SYN2: variants seen among roughly 807,000 people sequenced by gnomAD.
SYN2 encodes synapsin II.
In SYN2, 19 loss-of-function variants were observed where a neutral mutation model predicts 50.9. The observed-to-expected ratio is 0.37, with a 90% confidence interval of 0.26 to 0.55. SYN2 has a LOEUF of 0.55. Among genes scored for constraint, SYN2 ranks in the 20% least tolerant of loss-of-function variants. The pLI is 0.81. For missense variants in SYN2, 587 were observed against 576.4 expected (o/e 1.02, Z -0.19); for synonymous variants, 255 against 224.9 (o/e 1.13, Z -1.20).
intron 1 of SYN2, among the ~76,000 whole-genome samples, chr3:12,110,856 A>G (rs912050924): frequency 3.3e-5 from 5 of 152,094 alleles, no homozygotes; most frequent in Non-Finnish European, 7.4e-5. Flanking sequence ...CTGTACCCCC[A>G]TTGTATCTGG....
chr3:12,140,693 T>C lies in SYN2; in HGVS notation c.420T>C (p.Asp140=), dbSNP rs549673361. The change falls in exon 2 of 13, where the codon GAT becomes GAC. Residue 140 remains aspartate (D), a synonymous_variant. Coordinates refer to ENST00000621198, the MANE Select transcript of SYN2 (RefSeq NM_133625.6). ...GCAAAAAAGTCCTTGGAGATTATGATATCAAGGTGGAACAGGTAATCAGCC... is the reference window on the plus strand; with the variant it reads ...GCAAAAAAGTCCTTGGAGATTATGACATCAAGGTGGAACAGGTAATCAGCC... ...FRGKKVLGDY[D]IKVEQAEFSE... 6.6e-6 allele frequency: 5 copies of C among 763,176 alleles called. No individual in the cohort carries two copies. The African/African-American group carries it at 6.8e-5, about 10-fold the overall frequency. 47.3% of individuals were successfully genotyped at this position (763,176 alleles called of 1,614,324 possible). A position where few individuals can be genotyped will look rare whatever the true frequency, so the allele number is the denominator to read the frequency against.
intron 1 of SYN2, among the ~76,000 whole-genome samples, chr3:12,118,605 G>T (rs535487612): frequency 2.8e-4 from 42 of 152,200 alleles, no homozygotes; most frequent in African/African-American, 8.7e-4. Flanking sequence ...TCTGCCCCAG[G>T]ACTGTTAAGT....
At chr3:12,177,813 G>A (rs1698117492) in intron 10 of SYN2, among the ~76,000 whole-genome samples, 1 of 152,200 alleles carries the variant, frequency 6.6e-6, no homozygotes, top group Admixed American at 6.5e-5. Flanking sequence ...GACCTTGAGT[G>A]ACCTGCCCCT....
At chr3:12,183,849 C>G in intron 11 of SYN2, 1 of 1,028,568 alleles carries the variant, frequency 9.7e-7, no homozygotes, top group Non-Finnish European at 1.2e-6. Context: ...CTCCTCTCCT[C>G]CCCCCAAGCT....
At chr3:12,117,171 C>A (rs1275753101) in intron 1 of SYN2, among the ~76,000 whole-genome samples, 1 of 152,204 alleles carries the variant, frequency 6.6e-6, no homozygotes, top group Non-Finnish European at 1.5e-5. Context: ...CAGTTGGTTA[C>A]AACCCCATGT....
chr3:12,091,038 C>A (rs1367997590), intron 1 of SYN2, among the ~76,000 whole-genome samples: 1 of 152,160 alleles, frequency 6.6e-6, no homozygotes, highest in African/African-American at 2.4e-5. Flanking sequence ...AAACTTCCTT[C>A]TTCTATCTCT....
chr3:12,115,306 G>T (rs1268896487), intron 1 of SYN2, among the ~76,000 whole-genome samples: 2 of 152,114 alleles, frequency 1.3e-5, no homozygotes, highest in African/African-American at 4.8e-5. Context: ...AGAAAGCAAG[G>T]ATATATTTCA....
chr3:12,019,400 T>C (rs1694084856), intron 1 of SYN2, among the ~76,000 whole-genome samples: 1 of 152,162 alleles, frequency 6.6e-6, no homozygotes. Context: ...TGCATTTTCA[T>C]AGAAGGAGCT....
chr3:12,099,327 A>G (rs1285702617), intron 1 of SYN2, among the ~76,000 whole-genome samples: 4 of 152,186 alleles, frequency 2.6e-5, no homozygotes, highest in Non-Finnish European at 4.4e-5. Context: ...GCAAATCTCA[A>G]TAGATTTTAA....
intron 1 of SYN2, among the ~76,000 whole-genome samples, chr3:12,032,302 C>G (rs1694398149): frequency 3.7e-5 from 1 of 27,296 alleles, no homozygotes; most frequent in African/African-American, 9.3e-5. Context: ...TTCTCTCTGG[C>G]TGCCCTTAAC....
Position 12,191,012 on chromosome 3 carries a change from A to G in SYN2, c.*387A>G. Reference sequence around the variant, plus strand: ...ACCTAGCTCAGTTGCAGTGCTAAGCATGCCCCGCCCCCATTCAGTGATACC... The same window carrying G: ...ACCTAGCTCAGTTGCAGTGCTAAGCGTGCCCCGCCCCCATTCAGTGATACC... On this transcript the variant is annotated 3_prime_UTR_variant, in exon 13 of 13. Coordinates refer to ENST00000621198, the MANE Select transcript of SYN2 (RefSeq NM_133625.6). 2 of 1,007,850 alleles carry G rather than the reference A, an allele frequency of 2.0e-6. No individual in the cohort carries two copies. The highest frequency in any genetic ancestry group is 2.4e-6 in the Non-Finnish European group (2 of 845,170). 62.4% of individuals were successfully genotyped at this position (1,007,850 alleles called of 1,614,324 possible). A position where few individuals can be genotyped will look rare whatever the true frequency, so the allele number is the denominator to read the frequency against.
At chr3:12,036,505 G>A (rs2125145842) in intron 1 of SYN2, among the ~76,000 whole-genome samples, 1 of 152,318 alleles carries the variant, frequency 6.6e-6, no homozygotes, top group African/African-American at 2.4e-5. Flanking sequence ...CAGCTGGGGA[G>A]TCTGAGGAAC....
chr3:12,076,000 T>C (rs533261536), intron 1 of SYN2, among the ~76,000 whole-genome samples: 1 of 152,260 alleles, frequency 6.6e-6, no homozygotes, highest in African/African-American at 2.4e-5. Flanking sequence ...CTGTGAGGTA[T>C]ATACTATTAT....
chr3:12,078,037 ATTGTGGTTTTGATTTGCATTCTCT>A (rs1419699120), intron 1 of SYN2, among the ~76,000 whole-genome samples: 2 of 152,034 alleles, frequency 1.3e-5, no homozygotes, highest in Non-Finnish European at 2.9e-5. Flanking sequence ...ATGGTATCTC[ATTGTGGTTTTGATTTGCATTCTCT>A]AATGATCAGT....
intron 1 of SYN2, among the ~76,000 whole-genome samples, chr3:12,039,951 G>T (rs915200770): frequency 6.6e-6 from 1 of 152,128 alleles, no homozygotes; most frequent in Non-Finnish European, 1.5e-5. Context: ...GAGGTTCTGG[G>T]CCTCTACCAA....
intron 1 of SYN2, among the ~76,000 whole-genome samples, chr3:12,118,833 CAAA>C (rs375315672): frequency 2.3e-4 from 35 of 152,180 alleles, no homozygotes; most frequent in African/African-American, 7.7e-4. Context: ...AGCAAAAAAA[CAAA>C]AGAAGTGAAA....
chr3:12,100,209 A>G (rs1015686472), intron 1 of SYN2, among the ~76,000 whole-genome samples: 10 of 152,198 alleles, frequency 6.6e-5, no homozygotes, highest in African/African-American at 2.4e-4. Flanking sequence ...CAACTGGAGA[A>G]TTCCCATTTC....
chr3:12,137,296 C>G (rs564926675), intron 1 of SYN2, among the ~76,000 whole-genome samples: 2 of 150,248 alleles, frequency 1.3e-5, no homozygotes, highest in South Asian at 2.1e-4. Context: ...CTGTTCCTAT[C>G]TTATGCAAGG....
intron 1 of SYN2, among the ~76,000 whole-genome samples, chr3:12,047,938 G>A (rs922577939): frequency 7.9e-5 from 12 of 152,162 alleles, no homozygotes; most frequent in Admixed American, 1.3e-4. Flanking sequence ...AGTTAACTCT[G>A]GGTATGAGAG....
Sources: allele counts gnomAD v4.1 joint callset (sites outside exome capture counted in the v4.1 genomes callset), GRCh38; gene constraint gnomAD v4.1.1; transcripts MANE v1.5; gene names NCBI Gene and HGNC (gene_info 2026-07-23, HGNC 2026-07-21).